Variants in TSHZ3 observed in about 807,000 individuals in gnomAD.
TSHZ3 encodes teashirt zinc finger homeobox 3, also known as teashirt homolog 3.
In TSHZ3, 10 loss-of-function variants were observed where a neutral mutation model predicts 64.5. That is an observed-to-expected ratio of 0.16 (90% confidence interval 0.10 to 0.26). The LOEUF (loss-of-function observed/expected upper bound fraction) is 0.26, where lower values mean the gene tolerates loss of function less well. TSHZ3 is among the 10% of genes least tolerant of loss of function. The pLI is 1.00. For synonymous variants in TSHZ3, 608 were observed against 593.1 expected, an observed-to-expected ratio of 1.03 and a Z score of -0.36; for missense variants, 1,242 against 1,421.7, an observed-to-expected ratio of 0.87 and a Z score of 2.03.
intron 4 of TSHZ3, among the ~76,000 whole-genome samples, chr19:31,214,909 GAAAAAAAAAAAAAAAAA>G (rs950173415): frequency 2.4e-5 from 1 of 41,856 alleles, no homozygotes; most frequent in Non-Finnish European, 5.1e-5. Flanking sequence ...CTCTGTCTCA[GAAAAAAAAAAAAAAAAA>G]AAAAAAGAAC....
At chr19:31,197,165 G>T (rs925978932) in intron 5 of TSHZ3, among the ~76,000 whole-genome samples, 1 of 151,998 alleles carries the variant, frequency 6.6e-6, no homozygotes, top group Admixed American at 6.5e-5. Context: ...TAGGTGGAAA[G>T]CCCCCAAATA....
At chr19:31,326,268 G>A (rs2270629) in intron 1 of TSHZ3, among the ~76,000 whole-genome samples, 3,401 of 152,336 alleles carry the variant, frequency 0.022, 64 homozygotes, top group East Asian at 0.075. Flanking sequence ...ATCGGTGCTT[G>A]CCCCTAGGGA....
rs1568339986 is a variant in TSHZ3 at position 31,183,213 on chromosome 19, TCTCTC to T, written n.809+21738_809+21742del. Among the ~76,000 whole-genome samples, 149 of 96,100 alleles carry T rather than the reference TCTCTC, an allele frequency of 1.6e-3. 1 individual carries two copies. The highest frequency in any genetic ancestry group is 8.4e-3 in the African/African-American group (146 of 17,364). The allele number at this position is 96,100 out of a possible 152,430, so 63.0% of individuals were successfully genotyped here. A position where few individuals can be genotyped will look rare whatever the true frequency, so the allele number is the denominator to read the frequency against. On this transcript the variant is annotated intron_variant and non_coding_transcript_variant, in intron 5 of 6. Transcript: ENST00000651361. The stretch of plus-strand genomic sequence containing the variant: ...CTCTCTCTCTCTCTCTCTCTCTCTC[TCTCTC>T]TCTCTCTCTTTCTCTCTCTCTCTCC...
At chr19:31,153,981 T>G (rs1974271573) in intron 6 of TSHZ3, among the ~76,000 whole-genome samples, 1 of 152,228 alleles carries the variant, frequency 6.6e-6, no homozygotes, top group Admixed American at 6.5e-5. Flanking sequence ...CACTCTTGTG[T>G]TTGACCAGGA....
At chr19:31,152,362 GT>G (rs1568331180) in intron 6 of TSHZ3, among the ~76,000 whole-genome samples, 1 of 151,904 alleles carries the variant, frequency 6.6e-6, no homozygotes, top group Non-Finnish European at 1.5e-5. Flanking sequence ...CAGAAAGCTC[GT>G]TTTTCCTTTT....
Position 31,277,882 on chromosome 19 carries a change from C to G in TSHZ3, c.1911G>C (p.Pro637=), listed in dbSNP as rs764638246. ...ATGGGGAGGGAGTGGCCCGCTTGGG[C>G]GGGGAAAGCTTCCCATCCGGCTCCT... is the stretch of plus-strand genomic sequence containing the variant. ...KMKEPDGKLS[P]PKRATPSPCS... is the part of the protein sequence containing the mutation. The change falls in exon 2 of 2, where the codon CCG becomes CCC. Residue 637 remains proline (P), a synonymous_variant. Coordinates refer to ENST00000240587, the MANE Select transcript of TSHZ3 (RefSeq NM_020856.4). The surrounding 1 kb of genome is among the most constrained non-coding windows in gnomAD (Gnocchi z 4.5). 6.2e-7 allele frequency: 1 copy of G among 1,610,316 alleles called. No individual in the cohort carries two copies. Among genetic ancestry groups the G allele is most frequent in the Non-Finnish European group, 8.5e-7 (1 of 1,178,344 alleles).
downstream of TSHZ3, among the ~76,000 whole-genome samples, chr19:31,270,600 C>T (rs948532053): frequency 6.6e-6 from 1 of 152,210 alleles, no homozygotes; most frequent in Non-Finnish European, 1.5e-5. Flanking sequence ...CGGGCTTGGG[C>T]CACTGTACCT....
At chr19:31,268,315 A>AC (rs976014425) in intron 1 of TSHZ3, among the ~76,000 whole-genome samples, 5 of 152,006 alleles carry the variant, frequency 3.3e-5, no homozygotes, top group Non-Finnish European at 5.9e-5. Flanking sequence ...CTGGTGCAGT[A>AC]CCCCCAGGAA....
At chr19:31,247,082 TA>T (rs376264125) in intron 1 of TSHZ3, among the ~76,000 whole-genome samples, 2 of 152,102 alleles carry the variant, frequency 1.3e-5, no homozygotes, top group Admixed American at 6.6e-5. Flanking sequence ...AGACAATTAG[TA>T]AATGTAGAAG....
intron 1 of TSHZ3, among the ~76,000 whole-genome samples, chr19:31,293,206 T>C (rs1168154437): frequency 6.6e-6 from 1 of 152,224 alleles, no homozygotes; most frequent in African/African-American, 2.4e-5. Flanking sequence ...ACTAATTATA[T>C]ACTCCAGATG....
chr19:31,152,351 C>T (rs1974252730), intron 6 of TSHZ3, among the ~76,000 whole-genome samples: 1 of 151,694 alleles, frequency 6.6e-6, no homozygotes, highest in Non-Finnish European at 1.5e-5. Context: ...TCAGCCCATC[C>T]CAGAAAGCTC....
At chr19:31,186,602 A>G (rs987518961) in intron 5 of TSHZ3, among the ~76,000 whole-genome samples, 7 of 152,304 alleles carry the variant, frequency 4.6e-5, no homozygotes, top group South Asian at 4.2e-4. Context: ...TGTCTTTATT[A>G]GCAGTGTGAG....
At chr19:31,218,639 T>G (rs542743745) in intron 4 of TSHZ3, among the ~76,000 whole-genome samples, 1 of 152,316 alleles carries the variant, frequency 6.6e-6, no homozygotes, top group East Asian at 1.9e-4. Context: ...GCCAAAACTT[T>G]GAAGCAACCA....
At chr19:31,309,252 C>G (rs944784995) in intron 1 of TSHZ3, among the ~76,000 whole-genome samples, 5 of 152,172 alleles carry the variant, frequency 3.3e-5, no homozygotes, top group African/African-American at 1.2e-4. Flanking sequence ...GCTAACCCAC[C>G]AGGGTGCGTG....
intron 5 of TSHZ3, among the ~76,000 whole-genome samples, chr19:31,165,626 C>T (rs1326687603): frequency 6.6e-6 from 1 of 152,090 alleles, no homozygotes; most frequent in Non-Finnish European, 1.5e-5. Flanking sequence ...AAATAAGGGG[C>T]TGTTCTGCAC....
chr19:31,348,472 A>G (rs1182937277), intron 1 of TSHZ3, among the ~76,000 whole-genome samples: 3 of 151,892 alleles, frequency 2.0e-5, no homozygotes, highest in African/African-American at 7.2e-5. Flanking sequence ...GAAGAAGAAA[A>G]AAAAAAAAAA....
intron 3 of TSHZ3, among the ~76,000 whole-genome samples, chr19:31,231,099 T>C (rs950004002): frequency 2.6e-5 from 4 of 152,026 alleles, no homozygotes; most frequent in Non-Finnish European, 5.9e-5. Flanking sequence ...CAGATGATAA[T>C]ATATTAATAG....
intron 1 of TSHZ3, among the ~76,000 whole-genome samples, chr19:31,300,468 C>T (rs1976735241): frequency 6.6e-6 from 1 of 152,054 alleles, no homozygotes; most frequent in Non-Finnish European, 1.5e-5. Context: ...CATAGATGAA[C>T]TCAATTCAAT....
Position 31,341,630 on chromosome 19 carries a change from G to GACACAC in TSHZ3, c.40+7544_40+7549dup, listed in dbSNP as rs57786287. Among the ~76,000 whole-genome samples the GACACAC allele has an allele frequency of 5.0e-3, 691 of 138,074 alleles. 7 individuals are homozygous for GACACAC. The highest frequency in any genetic ancestry group is 9.2e-3 in the African/African-American group (353 of 38,254). The allele number at this position is 138,074 out of a possible 152,430, so 90.6% of individuals were successfully genotyped here. On this transcript the variant is annotated intron_variant, in intron 1 of 1. Transcript: ENST00000240587. ...ACTCACTCTCTCTCTCTCTCTCTCT[G>GACACAC]ACACACACACACACACACACACACA...
Sources: allele counts gnomAD v4.1 joint callset (sites outside exome capture counted in the v4.1 genomes callset), GRCh38; gene constraint gnomAD v4.1.1; non-coding constraint Gnocchi (gnomAD v3.1); transcripts MANE v1.5; gene names NCBI Gene and HGNC (gene_info 2026-07-23, HGNC 2026-07-21).